HOMER2: variants seen among roughly 807,000 people sequenced by gnomAD.
HOMER2 encodes the protein homer protein homolog 2.
Under a neutral mutation model 47.0 loss-of-function variants are expected in HOMER2, and 27 were observed. That is an observed-to-expected ratio of 0.57 (90% CI 0.42 to 0.79). The LOEUF (loss-of-function observed/expected upper bound fraction) is 0.79. HOMER2 is among the 30% of genes least tolerant of loss of function. The pLI is 0.00. For synonymous variants in HOMER2, 161 were observed against 163.8 expected (o/e 0.98, Z 0.13); for missense variants, 443 against 435.0 (o/e 1.02, Z -0.16).
In HOMER2 at chr15:82,895,345, C is replaced by G. The variant is rs1041902920; in HGVS notation, c.6-2504G>C. On this transcript the variant is annotated intron_variant, in intron 1 of 8. Coordinates refer to ENST00000450735, the MANE Select transcript of HOMER2 (RefSeq NM_004839.4). ...GTTAGAAACAAAAGGAAGATTCTCA[C>G]TGTAATTTCCCGCATCTGCTGTCAA... Among the ~76,000 whole-genome samples, 3 of 152,324 alleles carry G rather than the reference C, an allele frequency of 2.0e-5. No homozygotes were observed. In the East Asian group the frequency reaches 5.8e-4, roughly 29 times the overall value.
chr15:82,894,141 T>A (rs913315600), intron 1 of HOMER2, among the ~76,000 whole-genome samples: 7 of 152,216 alleles, frequency 4.6e-5, no homozygotes, highest in African/African-American at 1.4e-4. Context: ...GCCTAAAGCA[T>A]TTTATGCGAT....
chr15:82,916,758 A>T (rs2151162745), intron 1 of HOMER2, among the ~76,000 whole-genome samples: 1 of 152,198 alleles, frequency 6.6e-6, no homozygotes, highest in South Asian at 2.1e-4. Flanking sequence ...CTGAGTTGCC[A>T]GCTGCTTGGC....
intron 4 of HOMER2, among the ~76,000 whole-genome samples, chr15:82,862,469 G>T (rs1032894963): frequency 6.6e-6 from 1 of 152,142 alleles, no homozygotes; most frequent in Non-Finnish European, 1.5e-5. Context: ...TTGAGAGGGG[G>T]TAAATATTAA....
At chr15:82,945,964 T>C (rs2054371005) in intron 1 of HOMER2, among the ~76,000 whole-genome samples, 1 of 151,628 alleles carries the variant, frequency 6.6e-6, no homozygotes, top group African/African-American at 2.4e-5. Context: ...AGTGAGACTC[T>C]GTCTCAAAAA....
chr15:82,910,238 T>C (rs2053414792), intron 1 of HOMER2, among the ~76,000 whole-genome samples: 1 of 149,028 alleles, frequency 6.7e-6, no homozygotes, highest in Non-Finnish European at 1.5e-5. Flanking sequence ...AAAAAGATGA[T>C]ACTGCCAGGT....
chr15:82,911,037 T>C (rs188217511), intron 1 of HOMER2, among the ~76,000 whole-genome samples: 104 of 152,304 alleles, frequency 6.8e-4, no homozygotes, highest in African/African-American at 2.4e-3. Flanking sequence ...ATGTGCAAAG[T>C]GCCTTTTTGC....
At chr15:82,848,052 G>A (rs2051277802), downstream of HOMER2, among the ~76,000 whole-genome samples, 1 of 152,164 alleles carries the variant, frequency 6.6e-6, no homozygotes, top group South Asian at 2.1e-4. Flanking sequence ...CTCACCTTGC[G>A]GGAGCTCCTC....
At position 82,849,136 on chromosome 15, in the gene HOMER2, G is replaced by GGGGCGGA. The variant is rs1337917245; in HGVS notation, c.*578_*579insTCCGCCC. The GGGGCGGA allele has an allele frequency of 6.6e-6, 1 of 151,790 alleles. No individual in the cohort carries two copies. Among genetic ancestry groups the GGGGCGGA allele is most frequent in the Non-Finnish European group, 1.5e-5 (1 of 67,988 alleles). The allele number at this position is 151,790 out of a possible 1,614,324, so 9.4% of individuals were successfully genotyped here. On this transcript the variant is annotated 3_prime_UTR_variant, in exon 9 of 9. Coordinates refer to ENST00000450735, the MANE Select transcript of HOMER2 (RefSeq NM_004839.4). Reference sequence around the variant, plus strand: ...GCAACCGTACAAACTGGGGGGGCGGGGGGCAGGGGGCAGTAGCGTGGATGC... The same window carrying GGGGCGGA: ...GCAACCGTACAAACTGGGGGGGCGGGGGGCGGAGGGCAGGGGGCAGTAGCGTGGATGC...
In HOMER2 at chr15:82,943,379, C is replaced by T. The variant is rs115870155; in HGVS notation, c.5+9152G>A. Among the ~76,000 whole-genome samples, 1,322 of 152,300 alleles carry T rather than the reference C, an allele frequency of 8.7e-3. 21 individuals carry two copies. The highest frequency in any genetic ancestry group is 0.03 in the African/African-American group (1,265 of 41,562). ...CAGCTGAGACAGCTGAGTCTACGCT[C>T]AGTCCACTTGGAGGAGTTAGAGAGC... On this transcript the variant is annotated intron_variant, in intron 1 of 8. Transcript: ENST00000450735.
intron 1 of HOMER2, among the ~76,000 whole-genome samples, chr15:82,944,527 G>A (rs774931199): frequency 6.6e-6 from 1 of 152,168 alleles, no homozygotes; most frequent in Non-Finnish European, 1.5e-5. Context: ...ATACACCACA[G>A]ATTTCTAACA....
chr15:82,899,845 A>G (rs896748848), intron 1 of HOMER2, among the ~76,000 whole-genome samples: 1 of 152,192 alleles, frequency 6.6e-6, no homozygotes, highest in Non-Finnish European at 1.5e-5. Flanking sequence ...CAACATGGCA[A>G]AACACATCTC....
upstream of HOMER2, among the ~76,000 whole-genome samples, chr15:82,954,305 T>TG (rs1278195468): frequency 6.6e-6 from 1 of 151,938 alleles, no homozygotes; most frequent in African/African-American, 2.4e-5. Context: ...ATTATTTTTT[T>TG]TTTGAGACGG....
intron 1 of HOMER2, chr15:82,985,533 A>G (rs1415906675): frequency 1.3e-5 from 2 of 152,248 alleles, no homozygotes; most frequent in Non-Finnish European, 2.9e-5. Context: ...AAGGCAAGAA[A>G]GGGCATCAAA....
intron 3 of HOMER2, among the ~76,000 whole-genome samples, chr15:82,869,699 C>A (rs1488171046): frequency 6.6e-6 from 1 of 152,086 alleles, no homozygotes; most frequent in Admixed American, 6.6e-5. Flanking sequence ...CTCAGGTGAT[C>A]CACCCGCCTG....
chr15:82,902,721 G>C (rs1160810932), intron 1 of HOMER2, among the ~76,000 whole-genome samples: 3 of 152,056 alleles, frequency 2.0e-5, no homozygotes, highest in African/African-American at 7.3e-5. Flanking sequence ...GTATGACTTG[G>C]AAACATTATT....
intron 1 of HOMER2, among the ~76,000 whole-genome samples, chr15:82,937,146 A>T (rs2054160527): frequency 6.6e-6 from 1 of 152,154 alleles, no homozygotes. Flanking sequence ...ATGACAGAGG[A>T]TGTGTTTCAA....
At chr15:82,967,700 C>T (rs1183450209) in intron 1 of HOMER2, among the ~76,000 whole-genome samples, 1 of 151,934 alleles carries the variant, frequency 6.6e-6, no homozygotes, top group East Asian at 1.9e-4. Flanking sequence ...ATGGTGAAAC[C>T]CCACCTCTAC....
chr15:82,980,417 T>C (rs1282733099), intron 1 of HOMER2, among the ~76,000 whole-genome samples: 1 of 152,164 alleles, frequency 6.6e-6, no homozygotes, highest in Non-Finnish European at 1.5e-5. Flanking sequence ...TGACCTGCCT[T>C]TTCTTTCCTA....
intron 5 of HOMER2, among the ~76,000 whole-genome samples, chr15:82,855,214 T>C (rs2051537156): frequency 6.8e-6 from 1 of 147,784 alleles, no homozygotes; most frequent in Admixed American, 6.9e-5. Flanking sequence ...CAGTCTCAGC[T>C]ACTCAGGAGG....
Sources: allele counts gnomAD v4.1 joint callset (sites outside exome capture counted in the v4.1 genomes callset), GRCh38; gene constraint gnomAD v4.1.1; transcripts MANE v1.5; gene names NCBI Gene and HGNC (gene_info 2026-07-23, HGNC 2026-07-21).